Variants in KLF8 observed in about 807,000 individuals in gnomAD.
KLF8 encodes the protein KLF transcription factor 8.
A neutral mutation model predicts 18.2 loss-of-function variants in KLF8; 10 were observed. That is an observed-to-expected ratio of 0.55 (90% CI 0.34 to 0.93). The LOEUF (loss-of-function observed/expected upper bound fraction) is 0.93. Among genes scored for constraint, KLF8 ranks in the 40% least tolerant of loss-of-function variants. KLF8 has a pLI of 0.02. For synonymous variants in KLF8, 109 were observed against 97.3 expected, an observed-to-expected ratio of 1.12 and a Z score of -0.71; for missense variants, 264 against 277.9, an observed-to-expected ratio of 0.95 and a Z score of 0.36.
the KLF8 span, among the ~76,000 whole-genome samples, chrX:56,195,351 AT>A: frequency 8.9e-6 from 1 of 112,039 alleles, no homozygotes; most frequent in African/African-American, 3.2e-5. Context: ...GATTAGATGA[AT>A]GGCTAACTAG....
the KLF8 span, among the ~76,000 whole-genome samples, chrX:56,070,167 A>G: frequency 1.8e-5 from 2 of 109,601 alleles, no homozygotes; most frequent in Non-Finnish European, 3.8e-5. Flanking sequence ...AACCAAACAC[A>G]GCATGTTCTC....
At chrX:56,070,392 G>T in the KLF8 span, among the ~76,000 whole-genome samples, 1 of 110,720 alleles carries the variant, frequency 9.0e-6, no homozygotes, top group African/African-American at 3.3e-5. Context: ...TTCTGCACAG[G>T]TGTCCCAAAT....
At chrX:56,181,286 C>T in the KLF8 span, among the ~76,000 whole-genome samples, 1 of 109,801 alleles carries the variant, frequency 9.1e-6, no homozygotes, top group African/African-American at 3.3e-5. Context: ...GGATTGCAAG[C>T]CCTGCTTTTT....
At chrX:56,015,315 T>C in the KLF8 span, 1 of 111,809 alleles carries the variant, frequency 8.9e-6, no homozygotes, top group Admixed American at 9.5e-5. Context: ...AAGGTTGCTG[T>C]ACTAGCTTTC....
chrX:56,140,423 G>A, the KLF8 span, among the ~76,000 whole-genome samples: 1 of 111,823 alleles, frequency 8.9e-6, no homozygotes, highest in African/African-American at 3.2e-5. Context: ...ATACTACATA[G>A]CCATAAAAAG....
At chrX:55,923,510 TA>T in the KLF8 span, among the ~76,000 whole-genome samples, 10 of 107,685 alleles carry the variant, frequency 9.3e-5, no homozygotes, top group African/African-American at 1.3e-4. Context: ...TGTTGGAAAT[TA>T]AAAAAAAAAC....
chrX:56,012,776 A>G, the KLF8 span, among the ~76,000 whole-genome samples: 2 of 111,491 alleles, frequency 1.8e-5, no homozygotes, highest in South Asian at 3.8e-4. Context: ...GAAAATGGCC[A>G]TACTGCCCAA....
At chrX:56,172,699 A>G in the KLF8 span, among the ~76,000 whole-genome samples, 63 of 111,943 alleles carry the variant, frequency 5.6e-4, no homozygotes, top group South Asian at 0.023. Flanking sequence ...CCACAATGGT[A>G]GAACTAGTTT....
At chrX:56,058,287 T>TACGTATATATACAC in the KLF8 span, among the ~76,000 whole-genome samples, 2 of 40,531 alleles carry the variant, frequency 4.9e-5, no homozygotes, top group Non-Finnish European at 1.1e-4. Context: ...TACATATATA[T>TACGTATATATACAC]ATATATATAT....
At chrX:56,153,374 C>A in the KLF8 span, among the ~76,000 whole-genome samples, 5 of 110,209 alleles carry the variant, frequency 4.5e-5, no homozygotes, top group African/African-American at 1.6e-4. Context: ...AAAAGAGTAG[C>A]TTTGCCTTAC....
chrX:56,026,720 C>T, the KLF8 span, among the ~76,000 whole-genome samples: 5 of 111,873 alleles, frequency 4.5e-5, no homozygotes, highest in East Asian at 2.8e-4. Context: ...CAATCCATAG[C>T]GGCAGTCCAA....
chrX:56,056,464 C>T, the KLF8 span, among the ~76,000 whole-genome samples: 2 of 108,200 alleles, frequency 1.8e-5, no homozygotes, highest in African/African-American at 6.8e-5. Context: ...GAATACTATG[C>T]AGCCATAAAA....
the KLF8 span, among the ~76,000 whole-genome samples, chrX:56,203,502 G>T: frequency 8.9e-6 from 1 of 112,124 alleles, no homozygotes; most frequent in African/African-American, 3.2e-5. Flanking sequence ...TTTTTGCCGA[G>T]GCCAACGTCT....
the KLF8 span, among the ~76,000 whole-genome samples, chrX:56,191,672 T>C: frequency 1.8e-5 from 2 of 111,883 alleles, no homozygotes; most frequent in Non-Finnish European, 3.8e-5. Flanking sequence ...ATTTGATGCA[T>C]CGTATCAACA....
chrX:56,106,979 T>G, the KLF8 span, among the ~76,000 whole-genome samples: 1 of 112,197 alleles, frequency 8.9e-6, no homozygotes, highest in Non-Finnish European at 1.9e-5. Flanking sequence ...GTCCCTCAGC[T>G]GCAGGTCTGT....
the KLF8 span, among the ~76,000 whole-genome samples, chrX:55,956,023 G>A: frequency 9.0e-6 from 1 of 110,835 alleles, no homozygotes; most frequent in East Asian, 2.8e-4. Flanking sequence ...TTCCCACTCA[G>A]CCAGTTTACT....
chrX:55,939,890 T>G, the KLF8 span, among the ~76,000 whole-genome samples: 3 of 111,766 alleles, frequency 2.7e-5, no homozygotes, highest in East Asian at 8.4e-4. Flanking sequence ...ATTAATAGCT[T>G]ACCAATCAAA....
chrX:56,052,227 G>A, the KLF8 span, among the ~76,000 whole-genome samples: 1 of 111,003 alleles, frequency 9.0e-6, no homozygotes, highest in African/African-American at 3.3e-5. Context: ...TCCTCCCATA[G>A]CTCAGAGTAA....
intron 5 of KLF8, among the ~76,000 whole-genome samples, chrX:56,274,298 C>G (rs1369701952): frequency 8.9e-6 from 1 of 111,925 alleles, no homozygotes; most frequent in Non-Finnish European, 1.9e-5. Flanking sequence ...TTTCATATGC[C>G]TGTTTATCTT....
Sources: gnomAD v4.1 joint callset for allele counts (sites outside exome capture counted in the v4.1 genomes callset) on GRCh38, gnomAD v4.1.1 for gene constraint, MANE v1.5 for transcripts, NCBI Gene and HGNC (gene_info 2026-07-23, HGNC 2026-07-21) for gene names.